The following SLC15A1 variants were observed in gnomAD, a reference collection of about 807,000 sequenced individuals.
The protein encoded by SLC15A1 is Caco-2 oligopeptide transporter.
SLC15A1 carries 83 observed loss-of-function variants against 92.9 expected under a neutral mutation model. That is an observed-to-expected ratio of 0.89 (90% CI 0.75 to 1.07). SLC15A1 has a LOEUF of 1.07. Ranked by LOEUF, SLC15A1 falls within the 50% of genes least tolerant of loss-of-function variation. The probability of loss-of-function intolerance (pLI) is 0.00; values close to 1 mark genes in which losing one functional copy is unlikely to be tolerated. For missense variants in SLC15A1, 857 were observed against 880.1 expected (o/e 0.97, Z 0.33); for synonymous variants, 322 against 318.2 (o/e 1.01, Z -0.13).
intron 18 of SLC15A1, 105 bp downstream of exon 18, chr13:98,702,375 C>T: frequency 1.2e-6 from 1 of 839,810 alleles, no homozygotes; most frequent in South Asian, 1.4e-5. Context: ...TGGGACAAAC[C>T]CTATAATCTC....
At chr13:98,747,046 G>T (rs2088499184) in intron 1 of SLC15A1, among the ~76,000 whole-genome samples, 1 of 152,116 alleles carries the variant, frequency 6.6e-6, no homozygotes, top group Admixed American at 6.5e-5. Context: ...CACCCCGGCT[G>T]ACACAGCCTC....
intron 10 of SLC15A1, among the ~76,000 whole-genome samples, chr13:98,712,223 A>G (rs2088169681): frequency 6.6e-6 from 1 of 152,236 alleles, no homozygotes. Flanking sequence ...TGACTCTCCT[A>G]TATTCAAACT....
At chr13:98,742,187 GA>G (rs2088453759) in intron 1 of SLC15A1, among the ~76,000 whole-genome samples, 1 of 152,202 alleles carries the variant, frequency 6.6e-6, no homozygotes, top group African/African-American at 2.4e-5. Context: ...GGCGGTGGGG[GA>G]GCTTTCTGCC....
chr13:98,688,268 T>C lies in SLC15A1; in HGVS notation c.1663A>G (p.Thr555Ala), dbSNP rs758841105. Residue 555 changes from threonine to alanine, a missense_variant, in exon 20 of 23, where the codon ACC (threonine) becomes GCC (alanine). By Grantham distance (58) the Thr-to-Ala change is moderately conservative (BLOSUM62 0). Coordinates refer to ENST00000376503, the MANE Select transcript of SLC15A1 (RefSeq NM_005073.4). ...TFYLEFGSAY[T>A]YIVQRKNDSC... ...CTAACCTTCCTTTGGACTATATAGG[T>C]ATAAGCACTACCAAATTCAAGGTAG... 6.2e-7 allele frequency: 1 copy of C among 1,612,776 alleles called. No individual in the cohort carries two copies. The highest frequency in any genetic ancestry group is 1.7e-5 in the Admixed American group (1 of 60,010).
chr13:98,748,820 G>A (rs1213756994), intron 1 of SLC15A1, among the ~76,000 whole-genome samples: 1 of 152,164 alleles, frequency 6.6e-6, no homozygotes, highest in Non-Finnish European at 1.5e-5. Flanking sequence ...CTCAAAGCGT[G>A]GGCCTGGGAG....
intron 1 of SLC15A1, among the ~76,000 whole-genome samples, chr13:98,738,470 C>T (rs1212067851): frequency 1.3e-5 from 2 of 152,266 alleles, no homozygotes; most frequent in African/African-American, 2.4e-5. Context: ...CCCAGGGCCC[C>T]ACAGCCCTAT....
intron 4 of SLC15A1, among the ~76,000 whole-genome samples, chr13:98,725,198 C>T (rs138309860): frequency 2.2e-4 from 33 of 152,318 alleles, no homozygotes; most frequent in Admixed American, 8.5e-4. Flanking sequence ...CTTGGTCTTC[C>T]AGCCAGCAGA....
At chr13:98,725,058 T>C (rs1440239239) in intron 4 of SLC15A1, among the ~76,000 whole-genome samples, 2 of 152,064 alleles carry the variant, frequency 1.3e-5, no homozygotes, top group Non-Finnish European at 2.9e-5. Flanking sequence ...AAGAGCTAGT[T>C]GTTGAAAAGA....
intron 9 of SLC15A1, among the ~76,000 whole-genome samples, chr13:98,713,401 G>T (rs1441557400): frequency 6.6e-6 from 1 of 152,056 alleles, no homozygotes; most frequent in Non-Finnish European, 1.5e-5. Flanking sequence ...AGAAATACTT[G>T]ATCTGTATTT....
At chr13:98,750,959 T>C (rs930612163) in intron 1 of SLC15A1, among the ~76,000 whole-genome samples, 30 of 152,086 alleles carry the variant, frequency 2.0e-4, no homozygotes, top group African/African-American at 7.2e-4. Context: ...CTTACCATGT[T>C]GGCCAGGTTG....
chr13:98,693,741 CT>C (rs1219363377), intron 18 of SLC15A1, among the ~76,000 whole-genome samples: 1 of 152,080 alleles, frequency 6.6e-6, no homozygotes, highest in Non-Finnish European at 1.5e-5. Flanking sequence ...ATTCTTTTTC[CT>C]TTTTTTGTCA....
At chr13:98,690,625 A>C (rs1331896628) in intron 18 of SLC15A1, among the ~76,000 whole-genome samples, 1 of 152,170 alleles carries the variant, frequency 6.6e-6, no homozygotes, top group Non-Finnish European at 1.5e-5. Flanking sequence ...ACACAGTCCG[A>C]GTAACTTAAT....
chr13:98,733,781 C>T (rs942231443), intron 1 of SLC15A1, among the ~76,000 whole-genome samples: 10 of 152,212 alleles, frequency 6.6e-5, no homozygotes, highest in Non-Finnish European at 1.2e-4. Flanking sequence ...ACCCTCTGGG[C>T]TTCCATTTCT....
chr13:98,745,283 T>C (rs115473024), intron 1 of SLC15A1, among the ~76,000 whole-genome samples: 3 of 152,226 alleles, frequency 2.0e-5, no homozygotes, highest in Middle Eastern at 3.4e-3. Context: ...CTGAGGACCA[T>C]GGTGGAGTTA....
chr13:98,727,208 G>A (rs1042907570), intron 1 of SLC15A1, among the ~76,000 whole-genome samples: 36 of 152,334 alleles, frequency 2.4e-4, no homozygotes, highest in African/African-American at 7.0e-4. Flanking sequence ...TCTGACAAGT[G>A]TTTTGGTGGG....
chr13:98,689,795 T>C (rs778678940), intron 18 of SLC15A1, among the ~76,000 whole-genome samples: 3 of 152,176 alleles, frequency 2.0e-5, no homozygotes, highest in African/African-American at 4.8e-5. Context: ...GAGGCCTGTG[T>C]GGTCCTGGAG....
intron 1 of SLC15A1, among the ~76,000 whole-genome samples, chr13:98,727,586 G>A (rs1179979756): frequency 1.3e-5 from 2 of 152,154 alleles, no homozygotes; most frequent in African/African-American, 2.4e-5. Flanking sequence ...GCTGGTGCAC[G>A]TCAAGTCCAG....
At chr13:98,687,524 G>A (rs756208473) in intron 21 of SLC15A1, 57 bp downstream of exon 21, 38 of 1,573,446 alleles carry the variant, frequency 2.4e-5, no homozygotes, top group Non-Finnish European at 3.0e-5. Flanking sequence ...AGTCCCATCA[G>A]CATTTTCTGC....
intron 1 of SLC15A1, among the ~76,000 whole-genome samples, chr13:98,727,659 G>A (rs2088313643): frequency 6.6e-6 from 1 of 152,134 alleles, no homozygotes; most frequent in South Asian, 2.1e-4. Flanking sequence ...CTGCTCTTCT[G>A]TCTCCCCGGA....
Sources: gnomAD v4.1 joint callset for allele counts (sites outside exome capture counted in the v4.1 genomes callset) on GRCh38, gnomAD v4.1.1 for gene constraint, MANE v1.5 for transcripts, NCBI Gene and HGNC (gene_info 2026-07-23, HGNC 2026-07-21) for gene names.